RBFOX1: variants seen among roughly 807,000 people sequenced by gnomAD.
The protein encoded by RBFOX1 is RNA binding protein fox-1 homolog 1.
In RBFOX1, 8 loss-of-function variants were observed where a neutral mutation model predicts 57.7. The ratio of observed to expected loss-of-function variants is 0.14; its 90% confidence interval spans 0.08 to 0.25. The LOEUF is 0.25. Ranked by LOEUF, RBFOX1 falls within the 10% of genes least tolerant of loss-of-function variation. RBFOX1 has a pLI of 1.00. For missense variants in RBFOX1, 611 were observed against 548.5 expected, an observed-to-expected ratio of 1.11 and a Z score of -1.14; for synonymous variants, 326 against 222.4, an observed-to-expected ratio of 1.47 and a Z score of -4.15.
At chr16:7,085,633 C>G (rs1046926030) in intron 4 of RBFOX1, among the ~76,000 whole-genome samples, 3 of 152,220 alleles carry the variant, frequency 2.0e-5, no homozygotes, top group Admixed American at 6.5e-5. Context: ...TTATTTTTCC[C>G]TAAGTTTTCC....
intron 4 of RBFOX1, among the ~76,000 whole-genome samples, chr16:7,510,815 G>A (rs1256369230): frequency 6.6e-6 from 1 of 152,176 alleles, no homozygotes; most frequent in Admixed American, 6.5e-5. Flanking sequence ...GTCCATGCTG[G>A]TGGGGGGTCC....
intron 1 of RBFOX1, among the ~76,000 whole-genome samples, chr16:6,282,423 A>T (rs1235275205): frequency 5.6e-5 from 8 of 143,894 alleles, no homozygotes; most frequent in Non-Finnish European, 1.2e-4. Flanking sequence ...AGAGTGTGCA[A>T]GTTTGTTACA....
chr16:6,284,669 G>T (rs1404006328), intron 1 of RBFOX1, among the ~76,000 whole-genome samples: 1 of 152,100 alleles, frequency 6.6e-6, no homozygotes, highest in Non-Finnish European at 1.5e-5. Flanking sequence ...TTTCTTTCAT[G>T]CCACTTTGTA....
chr16:7,490,720 T>C (rs929313129), intron 4 of RBFOX1, among the ~76,000 whole-genome samples: 2 of 152,200 alleles, frequency 1.3e-5, no homozygotes, highest in African/African-American at 4.8e-5. Flanking sequence ...GGGGTGTTGA[T>C]AGCTTTCACT....
At chr16:7,455,172 G>A (rs2058248301) in intron 4 of RBFOX1, among the ~76,000 whole-genome samples, 1 of 152,298 alleles carries the variant, frequency 6.6e-6, no homozygotes, top group Admixed American at 6.5e-5. Context: ...ATTTTGATTG[G>A]AAATTCTCTC....
At chr16:6,818,246 A>G (rs990006209) in intron 3 of RBFOX1, among the ~76,000 whole-genome samples, 2 of 152,030 alleles carry the variant, frequency 1.3e-5, no homozygotes, top group African/African-American at 4.8e-5. Flanking sequence ...ATACAAGCAG[A>G]GGCTTTAGAA....
intron 4 of RBFOX1, among the ~76,000 whole-genome samples, chr16:7,102,491 G>A (rs986748980): frequency 6.6e-6 from 1 of 152,162 alleles, no homozygotes; most frequent in Non-Finnish European, 1.5e-5. Flanking sequence ...ATTTAATAGA[G>A]ACCAAAGTAG....
intron 4 of RBFOX1, among the ~76,000 whole-genome samples, chr16:7,324,321 TC>T (rs1162663879): frequency 6.6e-6 from 1 of 152,170 alleles, no homozygotes; most frequent in Non-Finnish European, 1.5e-5. Context: ...CATTTACCAG[TC>T]CTGGAGACCT....
intron 2 of RBFOX1, among the ~76,000 whole-genome samples, chr16:5,506,223 C>T (rs984652475): frequency 6.6e-6 from 1 of 152,170 alleles, no homozygotes; most frequent in Non-Finnish European, 1.5e-5. Flanking sequence ...CCCACCTCTC[C>T]TACACCAGTA....
chr16:7,168,716 C>G (rs985594833), intron 4 of RBFOX1, among the ~76,000 whole-genome samples: 1 of 152,298 alleles, frequency 6.6e-6, no homozygotes, highest in South Asian at 2.1e-4. Context: ...CCTAGATTTA[C>G]TCTTCAGTCC....
chr16:6,392,035 T>C (rs1341237810), intron 2 of RBFOX1, among the ~76,000 whole-genome samples: 1 of 152,214 alleles, frequency 6.6e-6, no homozygotes, highest in Non-Finnish European at 1.5e-5. Flanking sequence ...GTTCCTGGTC[T>C]ATACTAAGAG....
chr16:5,565,429 C>T (rs1440783201), intron 2 of RBFOX1, among the ~76,000 whole-genome samples: 2 of 152,048 alleles, frequency 1.3e-5, no homozygotes, highest in African/African-American at 4.8e-5. Context: ...AGTTCAAAAG[C>T]AGCCTGACCA....
intron 3 of RBFOX1, among the ~76,000 whole-genome samples, chr16:7,005,080 G>T (rs1255958839): frequency 6.6e-6 from 1 of 152,166 alleles, no homozygotes; most frequent in Non-Finnish European, 1.5e-5. Context: ...GGAGGCAGAA[G>T]TTGCAGTCAG....
intron 3 of RBFOX1, among the ~76,000 whole-genome samples, chr16:6,741,849 G>C (rs1027686165): frequency 6.6e-6 from 1 of 152,142 alleles, no homozygotes; most frequent in African/African-American, 2.4e-5. Flanking sequence ...AAGGGTTAGA[G>C]AAATGTTTGT....
intron 3 of RBFOX1, among the ~76,000 whole-genome samples, chr16:5,808,168 C>T (rs905875725): frequency 4.6e-5 from 7 of 152,000 alleles, no homozygotes; most frequent in South Asian, 2.1e-4. Context: ...AAAATGAGGC[C>T]GTTAGGATGG....
chr16:6,012,774 T>C (rs1406335366), intron 4 of RBFOX1, among the ~76,000 whole-genome samples: 2 of 152,166 alleles, frequency 1.3e-5, no homozygotes, highest in Admixed American at 6.5e-5. Flanking sequence ...TAATTTGTCC[T>C]CAGGCTCATT....
intron 2 of RBFOX1, among the ~76,000 whole-genome samples, chr16:5,527,462 G>A (rs912876799): frequency 6.6e-6 from 1 of 152,216 alleles, no homozygotes; most frequent in Non-Finnish European, 1.5e-5. Flanking sequence ...TTGGAAGCAA[G>A]ATGAAAAGAG....
intron 3 of RBFOX1, among the ~76,000 whole-genome samples, chr16:6,938,307 A>G (rs1391221065): frequency 1.3e-5 from 2 of 152,194 alleles, no homozygotes; most frequent in South Asian, 4.1e-4. Context: ...TATCGTCACA[A>G]GGAAAGTAAA....
chr16:7,158,154 C>G (rs1332819019), intron 4 of RBFOX1, among the ~76,000 whole-genome samples: 4 of 152,074 alleles, frequency 2.6e-5, no homozygotes, highest in Admixed American at 6.6e-5. Context: ...CGAGAACAGC[C>G]TGGCCAACAT....
Sources: allele counts gnomAD v4.1 joint callset (sites outside exome capture counted in the v4.1 genomes callset), GRCh38; gene constraint gnomAD v4.1.1; transcripts MANE v1.5; gene names NCBI Gene and HGNC (gene_info 2026-07-23, HGNC 2026-07-21).